PPIG: variants seen among roughly 807,000 people sequenced by gnomAD.
PPIG encodes peptidylprolyl isomerase G.
PPIG carries 26 observed loss-of-function variants against 87.9 expected under a neutral mutation model. That is an observed-to-expected ratio of 0.30 (90% confidence interval 0.22 to 0.41). The LOEUF (loss-of-function observed/expected upper bound fraction) is 0.41. PPIG is among the 10% of genes least tolerant of loss of function. The pLI, the probability that PPIG is intolerant of heterozygous loss-of-function variation, is 1.00. For synonymous variants in PPIG, 308 were observed against 276.5 expected, an observed-to-expected ratio of 1.11 and a Z score of -1.13; for missense variants, 722 against 879.4, an observed-to-expected ratio of 0.82 and a Z score of 2.26.
At chr2:169,628,939 CAAAAAAAAAAAA>C (rs71006010) in intron 9 of PPIG, among the ~76,000 whole-genome samples, 27,190 of 92,202 alleles carry the variant, frequency 0.29, 3,277 homozygotes, top group East Asian at 0.43. Flanking sequence ...ACCCTGTCTC[CAAAAAAAAAAAA>C]AAAAAAAAAA....
Position 169,637,067 on chromosome 2 carries a change from G to A in PPIG, c.1809G>A (p.Arg603=), listed in dbSNP as rs1399577310. ...AACAGGAATACAGGAGAAGAGGACG[G>A]TCACGAAGCCGAGAGAGAAGAACAC... ...YREQEYRRRG[R]SRSRERRTPP... Residue 603 remains arginine, a synonymous_variant, in exon 14 of 14, where the codon CGG becomes CGA. Coordinates refer to ENST00000260970, the MANE Select transcript of PPIG (RefSeq NM_004792.3). 3.7e-6 allele frequency: 6 copies of A among 1,613,362 alleles called. No individual in the cohort carries two copies. The Admixed American group carries it at 1.0e-4, about 27-fold the overall frequency.
chr2:169,612,072 C>T (rs1351057243), intron 7 of PPIG, among the ~76,000 whole-genome samples: 2 of 151,944 alleles, frequency 1.3e-5, no homozygotes, highest in African/African-American at 2.4e-5. Context: ...AACTCCTAGG[C>T]TCAAGTGATC....
intron 1 of PPIG, among the ~76,000 whole-genome samples, chr2:169,586,691 A>G (rs1378297461): frequency 2.0e-5 from 3 of 152,200 alleles, no homozygotes; most frequent in African/African-American, 7.2e-5. Context: ...ATAATAAAGT[A>G]CTTCTGTTAG....
At position 169,639,761 on chromosome 2, in the gene PPIG, G is replaced by A. The variant is rs557704839; in HGVS notation, c.*2238G>A. 1 of 152,096 alleles carries A rather than the reference G, an allele frequency of 6.6e-6. No homozygotes were observed. The highest frequency in any genetic ancestry group is 1.9e-4 in the East Asian group (1 of 5,202). The allele number at this position is 152,096 out of a possible 1,614,324, so 9.4% of individuals were successfully genotyped here. ...GCATTAACTGTACCTCAGGATCTGCGCATGCATCTGAATAGCACACGGCTC... is the reference window on the plus strand; with the variant it reads ...GCATTAACTGTACCTCAGGATCTGCACATGCATCTGAATAGCACACGGCTC... On this transcript the variant is annotated 3_prime_UTR_variant, in exon 14 of 14. Coordinates refer to ENST00000260970, the MANE Select transcript of PPIG (RefSeq NM_004792.3).
intron 9 of PPIG, among the ~76,000 whole-genome samples, chr2:169,627,600 C>T (rs1057262328): frequency 4.0e-5 from 6 of 151,700 alleles, no homozygotes; most frequent in Middle Eastern, 3.2e-3. Context: ...GATCATGGCT[C>T]ACTGCAGCCT....
intron 9 of PPIG, among the ~76,000 whole-genome samples, chr2:169,617,679 C>A (rs922328777): frequency 6.6e-6 from 1 of 152,154 alleles, no homozygotes; most frequent in African/African-American, 2.4e-5. Context: ...TATAGGAATG[C>A]TTGTGATTTT....
Position 169,584,732 on chromosome 2 carries a change from G to C in PPIG, c.-70+242G>C, listed in dbSNP as rs1052285000. On this transcript the variant is annotated intron_variant, in intron 1 of 13. Transcript: ENST00000260970. ...CAGTCGAGCCCCGGGGCCTGGGGAC[G>C]GTCCTTCCTCTGCCAGCCCCCGCCC... The C allele has an allele frequency of 1.0e-4, 32 of 311,304 alleles. 1 individual carries two copies. Among genetic ancestry groups the C allele is most frequent in the South Asian group, 7.2e-4 (29 of 40,006 alleles). The allele number at this position is 311,304 out of a possible 1,614,324, so 19.3% of individuals were successfully genotyped here.
intron 6 of PPIG, 28 bp from the exon 7 acceptor site, chr2:169,608,643 T>C (rs745968383): frequency 3.3e-6 from 5 of 1,506,264 alleles, no homozygotes; most frequent in East Asian, 4.5e-5. Flanking sequence ...ATATCTATAA[T>C]GTAACTGAAA....
chr2:169,612,379 ATTT>A lies in PPIG; in HGVS notation c.378-2065_378-2063del, dbSNP rs57752220. 3.9e-3 allele frequency among the ~76,000 whole-genome samples: 417 copies of A among 106,642 alleles called. 2 individuals are homozygous for A. The highest frequency in any genetic ancestry group is 9.6e-3 in the African/African-American group (255 of 26,478). 70.0% of individuals were successfully genotyped at this position (106,642 alleles called of 152,430 possible). A position where few individuals can be genotyped will look rare whatever the true frequency, so the allele number is the denominator to read the frequency against. On this transcript the variant is annotated intron_variant, in intron 7 of 13. Transcript: ENST00000260970. The stretch of plus-strand genomic sequence containing the variant: ...ATATTGTAACATGTATCAGAACTCC[ATTT>A]TTTTTTTTTTTTTTTTTTTGAGACA...
Position 169,606,020 on chromosome 2 carries a change from T to C in PPIG, c.137-19T>C, listed in dbSNP as rs368463977. On this transcript the variant is annotated intron_variant, in intron 4 of 13. Coordinates refer to ENST00000260970, the MANE Select transcript of PPIG (RefSeq NM_004792.3). ...TTGATTTCCTTTCTATTAAATGTCC[T>C]ATTTTTTTATCTCTATAGGTGAAAA... 3.2e-6 allele frequency: 5 copies of C among 1,543,224 alleles called. No homozygotes were observed. Among genetic ancestry groups the C allele is most frequent in the Non-Finnish European group, 4.5e-6 (5 of 1,120,426 alleles).
chr2:169,614,811 C>T, intron 9 of PPIG, 87 bp downstream of exon 9: 2 of 1,381,120 alleles, frequency 1.4e-6, no homozygotes, highest in Non-Finnish European at 1.9e-6. Flanking sequence ...AATTCATACT[C>T]AAGCTGAAAG....
intron 7 of PPIG, among the ~76,000 whole-genome samples, chr2:169,610,479 A>T (rs906426852): frequency 5.1e-4 from 76 of 148,436 alleles, no homozygotes; most frequent in African/African-American, 1.8e-3. Context: ...TAGTTTTGAT[A>T]TTTTTTTTTT....
Position 169,607,131 on chromosome 2 carries a change from A to G in PPIG, c.272A>G (p.Tyr91Cys), listed in dbSNP as rs764777581. Reference protein sequence around the residue: ...EGNGRGGESIYGGFFEDESFA... With the variant: ...EGNGRGGESICGGFFEDESFA... ...AATGGACGAGGAGGGGAATCTATCT[A>G]TGGAGGATTTTTTGAAGGTAAAAAT... Residue 91 changes from tyrosine to cysteine, a missense_variant, in exon 6 of 14, where the codon TAT becomes TGT. Around this residue, in one of 4 missense-constraint regions of PPIG, gnomAD observed 99 missense variants for 215.8 expected, o/e 0.46. Coordinates refer to ENST00000260970, the MANE Select transcript of PPIG (RefSeq NM_004792.3). 4 of 1,563,962 alleles carry G rather than the reference A, an allele frequency of 2.6e-6. No homozygotes were observed. Among genetic ancestry groups the G allele is most frequent in the Admixed American group, 1.7e-5 (1 of 59,196 alleles).
At chr2:169,604,306 T>TGG in intron 4 of PPIG, 45 bp downstream of exon 4, 1 of 919,040 alleles carries the variant, frequency 1.1e-6, no homozygotes, top group Non-Finnish European at 1.6e-6. Context: ...CTCAGTTGAC[T>TGG]ATGGCTTGCT....
chr2:169,604,011 G>C lies in PPIG; in HGVS notation c.-16-15G>C, dbSNP rs754632062. 1.2e-6 allele frequency: 2 copies of C among 1,602,618 alleles called. No homozygotes were observed. Among genetic ancestry groups the C allele is most frequent in the East Asian group, 4.5e-5 (2 of 44,784 alleles). Reference sequence around the variant, plus strand: ...TATTTTAGTCTGCTTGTCTGAAACTGTATTTTACTCACAGATTAAGTATTG... The same window carrying C: ...TATTTTAGTCTGCTTGTCTGAAACTCTATTTTACTCACAGATTAAGTATTG... On this transcript the variant is annotated splice_polypyrimidine_tract_variant and intron_variant, in intron 2 of 13. Coordinates refer to ENST00000260970, the MANE Select transcript of PPIG (RefSeq NM_004792.3).
rs886829360 is a variant in PPIG, at chr2:169,606,264, G to C, written c.244+118G>C. On this transcript the variant is annotated intron_variant, in intron 5 of 13. Transcript: ENST00000260970. Reference sequence around the variant, plus strand: ...GTCACTCTCACTCCATTTAATCTTTGGTCAATTAGAAGTACTCATAGAAAT... The same window carrying C: ...GTCACTCTCACTCCATTTAATCTTTCGTCAATTAGAAGTACTCATAGAAAT... The C allele has an allele frequency of 2.3e-5, 18 of 784,234 alleles. No individual in the cohort carries two copies. The African/African-American group carries it at 3.2e-4, about 14-fold the overall frequency. The allele number at this position is 784,234 out of a possible 1,614,324, so 48.6% of individuals were successfully genotyped here.
At chr2:169,614,092 T>A (rs930466797) in intron 7 of PPIG, among the ~76,000 whole-genome samples, 1 of 152,240 alleles carries the variant, frequency 6.6e-6, no homozygotes, top group Non-Finnish European at 1.5e-5. Context: ...CTGGTGGAAT[T>A]GTTTCATAAA....
chr2:169,588,958 C>CAAAAAA (rs549776875), intron 1 of PPIG, among the ~76,000 whole-genome samples: 3 of 68,412 alleles, frequency 4.4e-5, no homozygotes, highest in Non-Finnish European at 5.6e-5. Context: ...AACTCCCTCT[C>CAAAAAA]AAAAAAAAAA....
At chr2:169,627,727 A>ATTTTTTTTTTTTTTTTTTT (rs1685930108) in intron 9 of PPIG, among the ~76,000 whole-genome samples, 1 of 70,968 alleles carries the variant, frequency 1.4e-5, no homozygotes, top group Non-Finnish European at 2.6e-5. Flanking sequence ...TTTTTTTTTA[A>ATTTTTTTTTTTTTTTTTTT]TTTCAAACAC....
Sources: allele counts gnomAD v4.1 joint callset (sites outside exome capture counted in the v4.1 genomes callset), GRCh38; gene constraint gnomAD v4.1.1; regional missense constraint gnomAD v4.1.1; transcripts MANE v1.5; gene names NCBI Gene and HGNC (gene_info 2026-07-23, HGNC 2026-07-21).